Variants in PRKN observed in about 807,000 individuals in gnomAD.
PRKN encodes the protein E3 ubiquitin-protein ligase parkin.
In PRKN, 56 loss-of-function variants were observed where a neutral mutation model predicts 59.5. The ratio of observed to expected loss-of-function variants is 0.94; its 90% CI spans 0.76 to 1.18. PRKN has a LOEUF of 1.18. Ranked by LOEUF, PRKN falls within the 50% of genes most tolerant of loss-of-function variation. The probability of loss-of-function intolerance (pLI) is 0.00; values close to 1 mark genes in which losing one functional copy is unlikely to be tolerated. For missense variants in PRKN, 657 were observed against 596.4 expected (o/e 1.10, Z -1.06); for synonymous variants, 250 against 222.1 (o/e 1.13, Z -1.12).
chr6:161,597,757 G>T (rs1781966279), intron 7 of PRKN, among the ~76,000 whole-genome samples: 1 of 152,100 alleles, frequency 6.6e-6, no homozygotes, highest in Non-Finnish European at 1.5e-5. Context: ...CCATACCATG[G>T]GAGATTAGTG....
intron 7 of PRKN, among the ~76,000 whole-genome samples, chr6:161,718,099 T>C (rs1787063706): frequency 6.6e-6 from 1 of 152,124 alleles, no homozygotes; most frequent in African/African-American, 2.4e-5. Flanking sequence ...CTTGCGATGG[T>C]TGGAAGATAC....
chr6:162,169,651 C>A (rs1783167546), intron 4 of PRKN, among the ~76,000 whole-genome samples: 1 of 152,158 alleles, frequency 6.6e-6, no homozygotes, highest in African/African-American at 2.4e-5. Context: ...TTGTGTATCT[C>A]CTCTGTAGGC....
rs1777886431 is a variant in PRKN, at chr6:161,499,728, T to G, written c.1083+49126A>C. On this transcript the variant is annotated intron_variant, in intron 9 of 11. Transcript: ENST00000366898. The surrounding 1 kb of genome is among the most constrained non-coding windows in gnomAD (Gnocchi z 4.2). Reference sequence around the variant, plus strand: ...GACAATTCTTAGGCACAATTAATCTTGAGAATTACTGCTCTGTGGCTGAGG... The same window carrying G: ...GACAATTCTTAGGCACAATTAATCTGGAGAATTACTGCTCTGTGGCTGAGG... Among the ~76,000 whole-genome samples, 2 of 152,174 alleles carry G rather than the reference T, an allele frequency of 1.3e-5. No homozygotes were observed. The highest frequency in any genetic ancestry group is 2.4e-5 in the African/African-American group (1 of 41,450).
intron 1 of PRKN, among the ~76,000 whole-genome samples, chr6:162,489,554 T>C (rs1367019662): frequency 2.0e-5 from 3 of 152,204 alleles, no homozygotes; most frequent in African/African-American, 7.2e-5. Context: ...TGAGTCCCTA[T>C]TTTTACGCAA....
At chr6:162,221,504 TC>T (rs1230973067) in intron 3 of PRKN, among the ~76,000 whole-genome samples, 1 of 152,166 alleles carries the variant, frequency 6.6e-6, no homozygotes, top group Non-Finnish European at 1.5e-5. Flanking sequence ...TTCATAGACT[TC>T]AATTAAATTT....
intron 4 of PRKN, among the ~76,000 whole-genome samples, chr6:162,191,163 G>T (rs908077009): frequency 3.9e-5 from 6 of 152,136 alleles, no homozygotes; most frequent in African/African-American, 1.4e-4. Context: ...TTACAAATGT[G>T]ATAGTCGCTG....
chr6:161,416,561 C>G (rs1221243281), intron 9 of PRKN, among the ~76,000 whole-genome samples: 1 of 152,114 alleles, frequency 6.6e-6, no homozygotes, highest in Non-Finnish European at 1.5e-5. Context: ...CCCAGGCAGA[C>G]CAACAGAGAG....
intron 4 of PRKN, among the ~76,000 whole-genome samples, chr6:162,180,732 C>T (rs1783767056): frequency 1.3e-5 from 2 of 152,132 alleles, no homozygotes; most frequent in Non-Finnish European, 2.9e-5. Context: ...ACTGAGTTAA[C>T]CAATATATAC....
intron 5 of PRKN, among the ~76,000 whole-genome samples, chr6:161,985,402 G>T (rs1781399270): frequency 6.6e-6 from 1 of 152,054 alleles, no homozygotes; most frequent in African/African-American, 2.4e-5. Flanking sequence ...ATTTCCTTTT[G>T]TAATCTCCCA....
At chr6:161,564,125 C>T (rs1249524828) in intron 8 of PRKN, among the ~76,000 whole-genome samples, 1 of 152,094 alleles carries the variant, frequency 6.6e-6, no homozygotes, top group African/African-American at 2.4e-5. Flanking sequence ...CCAGTGAGAT[C>T]CCAAGAGTTT....
At chr6:161,653,890 G>C (rs1784240877) in intron 7 of PRKN, among the ~76,000 whole-genome samples, 1 of 152,106 alleles carries the variant, frequency 6.6e-6, no homozygotes, top group East Asian at 1.9e-4. Flanking sequence ...CAGCCTTCAG[G>C]GAAACATGTC....
intron 7 of PRKN, among the ~76,000 whole-genome samples, chr6:161,785,010 A>T (rs1338153186): frequency 2.0e-5 from 3 of 152,226 alleles, no homozygotes; most frequent in Admixed American, 1.3e-4. Context: ...GCAGACACGA[A>T]AGGTCACCTA....
At chr6:161,926,736 A>G (rs905826114) in intron 6 of PRKN, among the ~76,000 whole-genome samples, 1 of 152,166 alleles carries the variant, frequency 6.6e-6, no homozygotes, top group African/African-American at 2.4e-5. Context: ...GAAAGAGCAT[A>G]TTTTAAAATG....
chr6:161,702,064 G>A lies in PRKN; in HGVS notation c.871+83708C>T, dbSNP rs1786274942. Among the ~76,000 whole-genome samples the A allele has an allele frequency of 2.0e-5, 3 of 152,058 alleles. No individual in the cohort carries two copies. In the South Asian group the frequency reaches 6.2e-4, roughly 31 times the overall value. The stretch of plus-strand genomic sequence containing the variant: ...TGGCTTTCTGTTTCAGAATGATCTA[G>A]TCATCTATATTTATAATCATTTTAA... On this transcript the variant is annotated intron_variant, in intron 7 of 11. Coordinates refer to ENST00000366898, the MANE Select transcript of PRKN (RefSeq NM_004562.3).
At chr6:162,266,921 C>T (rs1193892023) in intron 2 of PRKN, among the ~76,000 whole-genome samples, 1 of 152,134 alleles carries the variant, frequency 6.6e-6, no homozygotes, top group Non-Finnish European at 1.5e-5. Flanking sequence ...GCAGAATAAG[C>T]AGAAGCTATC....
chr6:162,485,058 T>TA (rs1201993826), intron 1 of PRKN, among the ~76,000 whole-genome samples: 50 of 152,322 alleles, frequency 3.3e-4, no homozygotes, highest in South Asian at 2.7e-3. Flanking sequence ...TTCTATAACA[T>TA]AAAAAATACA....
At chr6:162,293,216 T>C (rs911061164) in intron 2 of PRKN, among the ~76,000 whole-genome samples, 2 of 152,172 alleles carry the variant, frequency 1.3e-5, no homozygotes, top group African/African-American at 4.8e-5. Context: ...TAGACTTCCC[T>C]TCTTCAGGCA....
At chr6:162,527,611 G>T (rs1410357249) in intron 1 of PRKN, among the ~76,000 whole-genome samples, 4 of 152,050 alleles carry the variant, frequency 2.6e-5, no homozygotes, top group Non-Finnish European at 5.9e-5. Context: ...CAGTTTCTTC[G>T]TTACGACTGG....
chr6:162,724,137 G>A (rs116670729), intron 1 of PRKN, among the ~76,000 whole-genome samples: 1 of 152,008 alleles, frequency 6.6e-6, no homozygotes, highest in Non-Finnish European at 1.5e-5. Flanking sequence ...TAAACACAAA[G>A]AATTGCTCAT....
Sources: allele counts gnomAD v4.1 joint callset (sites outside exome capture counted in the v4.1 genomes callset), GRCh38; gene constraint gnomAD v4.1.1; non-coding constraint Gnocchi (gnomAD v3.1); transcripts MANE v1.5; gene names NCBI Gene and HGNC (gene_info 2026-07-23, HGNC 2026-07-21).